FBN1: variants seen among roughly 807,000 people sequenced by gnomAD.
FBN1 encodes fibrillin 1.
Under a neutral mutation model 365.1 loss-of-function variants are expected in FBN1, and 29 were observed. The ratio of observed to expected loss-of-function variants is 0.08; its 90% CI spans 0.06 to 0.11. The LOEUF is 0.11. Among genes scored for constraint, FBN1 ranks in the 10% least tolerant of loss-of-function variants. The pLI is 1.00. For synonymous variants in FBN1, 1,210 were observed against 1,270.5 expected (o/e 0.95, Z 1.01); for missense variants, 2,476 against 3,703.2 (o/e 0.67, Z 8.60).
intron 13 of FBN1, among the ~76,000 whole-genome samples, chr15:48,510,889 C>A (rs1353665660): frequency 6.6e-6 from 1 of 152,044 alleles, no homozygotes; most frequent in Non-Finnish European, 1.5e-5. Context: ...AACAATCTAC[C>A]CAAAGTGGAT....
chr15:48,509,516 A>G (rs1407680733), intron 14 of FBN1, among the ~76,000 whole-genome samples: 1 of 148,004 alleles, frequency 6.8e-6, no homozygotes, highest in Non-Finnish European at 1.5e-5. Context: ...ATATTTAAAT[A>G]TGTATTTTAT....
chr15:48,607,943 G>A (rs1167306535), intron 4 of FBN1, among the ~76,000 whole-genome samples: 3 of 152,158 alleles, frequency 2.0e-5, no homozygotes, highest in Non-Finnish European at 4.4e-5. Flanking sequence ...AAAGAGGGCT[G>A]GAATTAAAGT....
intron 32 of FBN1, 131 bp from the exon 33 acceptor site, chr15:48,474,781 T>C: frequency 9.5e-7 from 1 of 1,047,638 alleles, no homozygotes; most frequent in Non-Finnish European, 1.4e-6. Flanking sequence ...TTTGCATCCA[T>C]ATATAAACTC....
chr15:48,582,707 G>C (rs1262412469), intron 6 of FBN1, among the ~76,000 whole-genome samples: 2 of 152,142 alleles, frequency 1.3e-5, no homozygotes, highest in African/African-American at 2.4e-5. Context: ...AATGTTTGAC[G>C]CCTAAACAAA....
chr15:48,487,560 C>G (rs1356615721), intron 27 of FBN1, 123 bp from the exon 28 acceptor site: 25 of 1,345,044 alleles, frequency 1.9e-5, no homozygotes, highest in Non-Finnish European at 2.6e-5. Context: ...TGGGACAACT[C>G]TCTGGTGCTA....
intron 2 of FBN1, among the ~76,000 whole-genome samples, chr15:48,628,935 A>G (rs148363749): frequency 1.3e-5 from 2 of 152,338 alleles, no homozygotes; most frequent in East Asian, 3.9e-4. Context: ...AGTTGAATCA[A>G]GCATCTAGCT....
At chr15:48,614,939 C>T (rs954407190) in intron 2 of FBN1, among the ~76,000 whole-genome samples, 1 of 152,158 alleles carries the variant, frequency 6.6e-6, no homozygotes, top group Non-Finnish European at 1.5e-5. Flanking sequence ...AAGTCAAAGG[C>T]TCTCAACCCT....
At chr15:48,637,639 T>C (rs1890117953) in intron 2 of FBN1, among the ~76,000 whole-genome samples, 1 of 152,258 alleles carries the variant, frequency 6.6e-6, no homozygotes, top group Non-Finnish European at 1.5e-5. Flanking sequence ...CTAGTCTATA[T>C]AATTAACCAT....
intron 7 of FBN1, 109 bp downstream of exon 7, chr15:48,537,502 G>A: frequency 1.5e-6 from 2 of 1,368,808 alleles, no homozygotes; most frequent in Non-Finnish European, 2.1e-6. Context: ...GCGAAATTGT[G>A]AAGTTATGTA....
At chr15:48,458,979 T>C (rs1302701497) in intron 43 of FBN1, among the ~76,000 whole-genome samples, 1 of 152,254 alleles carries the variant, frequency 6.6e-6, no homozygotes, top group Non-Finnish European at 1.5e-5. Flanking sequence ...CAGGACTGTG[T>C]TCTGGTCCCA....
chr15:48,589,657 A>C (rs1597620401), intron 6 of FBN1, among the ~76,000 whole-genome samples: 1 of 121,912 alleles, frequency 8.2e-6, no homozygotes, highest in South Asian at 2.5e-4. Flanking sequence ...TCTGTCGCCC[A>C]GGCTGGAGTG....
At chr15:48,539,554 GT>G (rs1169108461) in intron 6 of FBN1, among the ~76,000 whole-genome samples, 1 of 152,106 alleles carries the variant, frequency 6.6e-6, no homozygotes. Context: ...TGATTTCACA[GT>G]TATGTCTGCT....
chr15:48,630,617 G>T (rs759302725), intron 2 of FBN1, among the ~76,000 whole-genome samples: 10 of 151,558 alleles, frequency 6.6e-5, no homozygotes, highest in Non-Finnish European at 1.5e-5. Context: ...TATTTTATTT[G>T]AGGTTTATTT....
At chr15:48,501,582 T>C (rs1314238934) in intron 17 of FBN1, among the ~76,000 whole-genome samples, 1 of 152,240 alleles carries the variant, frequency 6.6e-6, no homozygotes, top group Non-Finnish European at 1.5e-5. Context: ...GGTCACCTTT[T>C]TATAAACCCA....
chr15:48,574,523 A>T (rs975022654), intron 6 of FBN1, among the ~76,000 whole-genome samples: 2 of 151,984 alleles, frequency 1.3e-5, no homozygotes, highest in Non-Finnish European at 2.9e-5. Flanking sequence ...GTGGTTAATG[A>T]TCCAATGCAT....
At chr15:48,596,121 C>G (rs1240903181) in intron 6 of FBN1, among the ~76,000 whole-genome samples, 162 bp downstream of exon 6, 1 of 152,158 alleles carries the variant, frequency 6.6e-6, no homozygotes, top group Non-Finnish European at 1.5e-5. Context: ...GATTCAGGGC[C>G]GCTGTCTTGT....
At chr15:48,536,279 A>G (rs2044013343) in intron 7 of FBN1, among the ~76,000 whole-genome samples, 1 of 152,342 alleles carries the variant, frequency 6.6e-6, no homozygotes, top group African/African-American at 2.4e-5. Flanking sequence ...AACAGGAAGC[A>G]AATGCTGGAA....
intron 25 of FBN1, among the ~76,000 whole-genome samples, chr15:48,488,871 C>G (rs1000559058): frequency 6.6e-6 from 1 of 152,120 alleles, no homozygotes; most frequent in African/African-American, 2.4e-5. Flanking sequence ...TATCCTACAG[C>G]TATCAATTGA....
chr15:48,468,791 G>A (rs183406319), intron 36 of FBN1, among the ~76,000 whole-genome samples: 5 of 149,810 alleles, frequency 3.3e-5, no homozygotes, highest in South Asian at 4.2e-4. Flanking sequence ...ACTTTGGGCC[G>A]GGCACGGTGG....
Sources: allele counts gnomAD v4.1 joint callset (sites outside exome capture counted in the v4.1 genomes callset), GRCh38; gene constraint gnomAD v4.1.1; transcripts MANE v1.5; gene names NCBI Gene and HGNC (gene_info 2026-07-23, HGNC 2026-07-21).